EHF: variants seen among roughly 807,000 people sequenced by gnomAD.
EHF encodes the protein ESE3 transcription factor.
A neutral mutation model predicts 45.1 loss-of-function variants in EHF; 14 were observed. That is an observed-to-expected ratio of 0.31 (90% CI 0.21 to 0.49). The LOEUF is 0.49. Ranked by LOEUF, EHF falls within the 20% of genes least tolerant of loss-of-function variation. The probability of loss-of-function intolerance (pLI) is 0.99; values close to 1 mark genes in which losing one functional copy is unlikely to be tolerated. For missense variants in EHF, 282 were observed against 371.4 expected, an observed-to-expected ratio of 0.76 and a Z score of 1.98; for synonymous variants, 136 against 131.8, an observed-to-expected ratio of 1.03 and a Z score of -0.22.
At chr11:34,630,124 T>A (rs1852743093) in intron 1 of EHF, among the ~76,000 whole-genome samples, 1 of 152,216 alleles carries the variant, frequency 6.6e-6, no homozygotes, top group African/African-American at 2.4e-5. Context: ...GTTGTGGGAA[T>A]CGTGCTTAAA....
intron 1 of EHF, among the ~76,000 whole-genome samples, chr11:34,641,606 A>C (rs1854003817): frequency 6.6e-6 from 1 of 152,072 alleles, no homozygotes; most frequent in Non-Finnish European, 1.5e-5. Flanking sequence ...CCCCACCCCA[A>C]CATTTTATAA....
rs147302765 is a variant in EHF, at chr11:34,645,967, G to A, written c.98-472G>A. On this transcript the variant is annotated intron_variant, in intron 2 of 8. Transcript: ENST00000257831. ...CACTTTGAGGAAAAGCAAAGGCATC[G>A]TAGAGAAAAGAACCTTAATTTCAGG... is the stretch of plus-strand genomic sequence containing the variant. Among the ~76,000 whole-genome samples the A allele has an allele frequency of 2.8e-4, 43 of 151,688 alleles. No homozygotes were observed. In the South Asian group the frequency reaches 4.8e-3, roughly 17 times the overall value.
intron 1 of EHF, among the ~76,000 whole-genome samples, chr11:34,640,159 T>C (rs2134084996): frequency 6.6e-6 from 1 of 152,250 alleles, no homozygotes; most frequent in South Asian, 2.1e-4. Flanking sequence ...CTAGACAGAT[T>C]TGGCACTGGT....
rs2281910 is a variant in EHF at position 34,646,596 on chromosome 11, C to T, written c.255C>T (p.Leu85=). 0.21 allele frequency: 334,576 copies of T among 1,613,526 alleles called. 37,134 individuals are homozygous for T. Among genetic ancestry groups the T allele is most frequent in the East Asian group, 0.38 (16,986 of 44,862 alleles). ...AGTTCGACATCAACGGCGAGCACCT[C>T]TGCAGCATGAGTTTGCAGGAGTTCA... The part of the protein sequence containing the change: ...FQEFDINGEH[L]CSMSLQEFTR... Residue 85 remains leucine, a synonymous_variant, in exon 3 of 9, where the codon CTC becomes CTT. Transcript: ENST00000257831.
intron 1 of EHF, among the ~76,000 whole-genome samples, chr11:34,628,446 G>A (rs1239812095): frequency 6.6e-6 from 1 of 152,152 alleles, no homozygotes; most frequent in Non-Finnish European, 1.5e-5. Context: ...CCATCGTACA[G>A]ATGAAAGGTT....
chr11:34,651,926 G>T, intron 6 of EHF, 121 bp downstream of exon 6: 1 of 973,412 alleles, frequency 1.0e-6, no homozygotes, highest in Non-Finnish European at 1.5e-6. Context: ...CTAGGAAAGG[G>T]ATGGGGTTAC....
At chr11:34,623,081 T>C (rs1205828794) in intron 1 of EHF, among the ~76,000 whole-genome samples, 1 of 152,180 alleles carries the variant, frequency 6.6e-6, no homozygotes, top group Non-Finnish European at 1.5e-5. Flanking sequence ...TTTGTTCAAT[T>C]CAAACAATCC....
intron 3 of EHF, among the ~76,000 whole-genome samples, chr11:34,647,603 A>C (rs1328856936): frequency 6.6e-6 from 1 of 152,190 alleles, no homozygotes; most frequent in Non-Finnish European, 1.5e-5. Flanking sequence ...TGGAAAAGGC[A>C]TTTATGTCTT....
intron 1 of EHF, among the ~76,000 whole-genome samples, chr11:34,631,279 G>T (rs978363731): frequency 6.6e-6 from 1 of 152,108 alleles, no homozygotes; most frequent in African/African-American, 2.4e-5. Context: ...TGATATGCCC[G>T]CCTCGGACTC....
rs1221843223 is a variant in EHF at position 34,662,122 on chromosome 11, A to G, written c.*3191A>G. On this transcript the variant is annotated 3_prime_UTR_variant, in exon 9 of 9. Coordinates refer to ENST00000257831, the MANE Select transcript of EHF (RefSeq NM_012153.6). The stretch of plus-strand genomic sequence containing the variant: ...TGAGGACAGGGACTATGTCTTATCA[A>G]TCACTATTATTTTCCTGTTACCTAG... Among the ~76,000 whole-genome samples the G allele has an allele frequency of 1.3e-5, 2 of 152,076 alleles. No homozygotes were observed. Among genetic ancestry groups the G allele is most frequent in the Admixed American group, 6.6e-5 (1 of 15,236 alleles).
chr11:34,633,978 C>A (rs1216466520), intron 1 of EHF, among the ~76,000 whole-genome samples: 1 of 152,140 alleles, frequency 6.6e-6, no homozygotes. Context: ...GTCATGAAAA[C>A]CCTTGAAACC....
At chr11:34,631,620 G>A (rs1350289463) in intron 1 of EHF, 50 of 972,288 alleles carry the variant, frequency 5.1e-5, no homozygotes, top group Middle Eastern at 5.2e-4. Flanking sequence ...TACACAGCCC[G>A]ATTTTGAGGT....
intron 7 of EHF, 100 bp from the exon 8 acceptor site, chr11:34,658,433 G>A (rs1855858386): frequency 2.1e-6 from 2 of 951,046 alleles, no homozygotes; most frequent in Middle Eastern, 2.2e-4. Context: ...GGAGAAATGA[G>A]TATCTCCTAC....
chr11:34,623,754 T>A (rs1852146410), intron 1 of EHF, among the ~76,000 whole-genome samples: 1 of 152,228 alleles, frequency 6.6e-6, no homozygotes, highest in Admixed American at 6.5e-5. Context: ...TTTTATTTCC[T>A]CTATATCTTT....
intron 1 of EHF, among the ~76,000 whole-genome samples, chr11:34,623,723 G>A (rs1020615562): frequency 2.0e-5 from 3 of 152,156 alleles, no homozygotes; most frequent in Non-Finnish European, 2.9e-5. Flanking sequence ...GTAGAATTTC[G>A]CTTTCTGGAA....
chr11:34,625,831 A>T (rs907693449), intron 1 of EHF, among the ~76,000 whole-genome samples: 4 of 150,832 alleles, frequency 2.7e-5, no homozygotes, highest in African/African-American at 9.8e-5. Flanking sequence ...ATCTCACCAC[A>T]CACCCTGGCC....
chr11:34,656,947 C>T lies in EHF; in HGVS notation c.584C>T (p.Ala195Val). The T allele has an allele frequency of 6.2e-7, 1 of 1,613,636 alleles. No homozygotes were observed. Among genetic ancestry groups the T allele is most frequent in the African/African-American group, 1.3e-5 (1 of 75,002 alleles). The change falls in exon 7 of 9, where the codon GCC becomes GTC. Residue 195 changes from alanine (A) to valine (V), a missense_variant. Ala to Val is a moderately conservative substitution (Grantham distance 64). Coordinates refer to ENST00000257831, the MANE Select transcript of EHF (RefSeq NM_012153.6). ...ATGAAAAAGGAGCAAGACCCCCCTG[C>T]CAAGTGCCACACCAAAAAGCACAGT... ...PDMKKEQDPP[A>V]KCHTKKHNPR...
chr11:34,628,669 A>T (rs1349914509), intron 1 of EHF, among the ~76,000 whole-genome samples: 1 of 152,228 alleles, frequency 6.6e-6, no homozygotes, highest in Non-Finnish European at 1.5e-5. Flanking sequence ...GCTGTAAGCC[A>T]GGTGGTTACA....
chr11:34,652,725 C>T (rs1204495425), intron 6 of EHF, among the ~76,000 whole-genome samples: 2 of 152,102 alleles, frequency 1.3e-5, no homozygotes, highest in African/African-American at 4.8e-5. Context: ...AGTCTGCAAC[C>T]CTTCCTTCCT....
Sources: gnomAD v4.1 joint callset for allele counts (sites outside exome capture counted in the v4.1 genomes callset) on GRCh38, gnomAD v4.1.1 for gene constraint, MANE v1.5 for transcripts, NCBI Gene and HGNC (gene_info 2026-07-23, HGNC 2026-07-21) for gene names.